The following ZMYM6 variants were observed in gnomAD, a reference collection of about 807,000 sequenced individuals.
The protein encoded by ZMYM6 is zinc finger MYM-type protein 6.
ZMYM6 carries 90 observed loss-of-function variants against 134.0 expected under a neutral mutation model. The observed-to-expected ratio is 0.67, with a 90% CI of 0.57 to 0.80. ZMYM6 has a LOEUF of 0.80. Ranked by LOEUF, ZMYM6 falls within the 30% of genes least tolerant of loss-of-function variation. ZMYM6 has a pLI of 0.00. For synonymous variants in ZMYM6, 481 were observed against 524.1 expected (o/e 0.92, Z 1.12); for missense variants, 1,362 against 1,533.9 (o/e 0.89, Z 1.87).
rs780948660 is a variant in ZMYM6 at position 34,992,162 on chromosome 1, C to T, written c.2146+72G>A. The stretch of plus-strand genomic sequence containing the variant: ...AAGACTCTGTCAATTATTTTCTTTT[C>T]CTTTCTTAAAAAACAAAAACAAACA... On this transcript the variant is annotated intron_variant, in intron 15 of 15. Transcript: ENST00000357182. The T allele has an allele frequency of 1.1e-5, 18 of 1,581,772 alleles. No homozygotes were observed. The South Asian group carries it at 1.9e-4, about 17-fold the overall frequency.
intron 3 of ZMYM6, 84 bp downstream of exon 3, chr1:35,020,299 T>C: frequency 8.2e-7 from 1 of 1,225,810 alleles, no homozygotes; most frequent in Non-Finnish European, 1.1e-6. Context: ...GAGAAAGACA[T>C]ACATGAAAAG....
intron 6 of ZMYM6, 42 bp from the exon 7 acceptor site, chr1:35,012,623 CAT>C: frequency 6.3e-7 from 1 of 1,587,340 alleles, no homozygotes; most frequent in Non-Finnish European, 8.5e-7. Context: ...TACAAACATA[CAT>C]ATTTACATAT....
At chr1:35,000,784 G>T (rs764974831) in intron 14 of ZMYM6, among the ~76,000 whole-genome samples, 3 of 152,072 alleles carry the variant, frequency 2.0e-5, no homozygotes, top group African/African-American at 4.8e-5. Flanking sequence ...TGCTTCCAGG[G>T]ATGTAAAAGG....
chr1:35,027,090 A>G (rs1641427871), intron 2 of ZMYM6, among the ~76,000 whole-genome samples: 2 of 152,208 alleles, frequency 1.3e-5, no homozygotes, highest in South Asian at 2.1e-4. Flanking sequence ...TTGCCAGCCT[A>G]CCTAGCTTAT....
At chr1:35,024,660 T>G (rs769254626) in intron 2 of ZMYM6, among the ~76,000 whole-genome samples, 1 of 152,214 alleles carries the variant, frequency 6.6e-6, no homozygotes, top group Non-Finnish European at 1.5e-5. Context: ...TACTCAACTA[T>G]TAAACACACC....
chr1:35,031,550 T>G (rs1641524913), intron 1 of ZMYM6: 1 of 152,156 alleles, frequency 6.6e-6, no homozygotes, highest in African/African-American at 2.4e-5. Flanking sequence ...CTACGGGCGC[T>G]CATCCCTCCT....
intron 2 of ZMYM6, among the ~76,000 whole-genome samples, chr1:35,025,765 C>CA (rs1641403062): frequency 6.6e-6 from 1 of 152,162 alleles, no homozygotes; most frequent in Non-Finnish European, 1.5e-5. Flanking sequence ...GCTCTTGAAT[C>CA]AGACTGCTGG....
At position 35,016,667 on chromosome 1, in the gene ZMYM6, C is replaced by T. The variant is rs542226668; in HGVS notation, c.429-1505G>A. On this transcript the variant is annotated intron_variant, in intron 4 of 15. Coordinates refer to ENST00000357182, the MANE Select transcript of ZMYM6 (RefSeq NM_007167.4). The stretch of plus-strand genomic sequence containing the variant: ...GCATTATTCTCTTTACTCAAATTAC[C>T]CAATTTAAATACCACAAAAATGATG... 2.0e-5 allele frequency among the ~76,000 whole-genome samples: 3 copies of T among 152,068 alleles called. No homozygotes were observed. In the East Asian group the frequency reaches 5.8e-4, roughly 29 times the overall value.
chr1:34,992,121 G>A, intron 15 of ZMYM6, 113 bp downstream of exon 15: 3 of 1,355,476 alleles, frequency 2.2e-6, no homozygotes, highest in Non-Finnish European at 3.1e-6. Flanking sequence ...CCAAGAAAAG[G>A]AATGTTTTCA....
chr1:35,007,228 T>TAAGA, intron 11 of ZMYM6, 130 bp from the exon 12 acceptor site: 1 of 771,360 alleles, frequency 1.3e-6, no homozygotes, highest in South Asian at 3.4e-5. Flanking sequence ...GTAAGGTTCT[T>TAAGA]ACCTTAAAAT....
intron 2 of ZMYM6, among the ~76,000 whole-genome samples, chr1:35,021,553 G>T (rs890280173): frequency 2.0e-5 from 3 of 151,860 alleles, no homozygotes; most frequent in African/African-American, 7.3e-5. Context: ...CCGGGAGGAG[G>T]AGGCTGCAGT....
intron 4 of ZMYM6, chr1:35,018,170 C>G (rs1641238069): frequency 6.6e-6 from 1 of 152,182 alleles, no homozygotes; most frequent in Non-Finnish European, 1.5e-5. Flanking sequence ...CATAGCAAAA[C>G]CATCTCTACA....
intron 14 of ZMYM6, among the ~76,000 whole-genome samples, chr1:35,001,629 GTGGT>G (rs1241251717): frequency 2.0e-5 from 3 of 152,050 alleles, no homozygotes; most frequent in Non-Finnish European, 4.4e-5. Context: ...ATACAATTGT[GTGGT>G]TAATAATGTA....
intron 6 of ZMYM6, chr1:35,012,908 G>C (rs1641111465): frequency 5.3e-5 from 52 of 985,054 alleles, no homozygotes; most frequent in Non-Finnish European, 6.3e-5. Flanking sequence ...GAACCAAAGG[G>C]TCATTCTTGG....
chr1:34,996,671 T>A (rs972380272), intron 14 of ZMYM6, among the ~76,000 whole-genome samples: 2 of 152,248 alleles, frequency 1.3e-5, no homozygotes, highest in Non-Finnish European at 2.9e-5. Flanking sequence ...TGTCTGTATA[T>A]ACTGAGCTGC....
intron 12 of ZMYM6, among the ~76,000 whole-genome samples, chr1:35,006,056 G>T (rs532747857): frequency 6.6e-6 from 1 of 152,320 alleles, no homozygotes; most frequent in Non-Finnish European, 1.5e-5. Flanking sequence ...AGCCCAGGCT[G>T]GAGTGCCATG....
rs977210813 is a variant in ZMYM6 at position 35,007,153 on chromosome 1, T to TAACATTA, written c.1666-62_1666-56dup. The TAACATTA allele has an allele frequency of 3.9e-6, 6 of 1,520,380 alleles. No individual in the cohort carries two copies. In the African/African-American group the frequency reaches 8.4e-5, roughly 21 times the overall value. The allele number at this position is 1,520,380 out of a possible 1,614,324, so 94.2% of individuals were successfully genotyped here. A position where few individuals can be genotyped will look rare whatever the true frequency, so the allele number is the denominator to read the frequency against. On this transcript the variant is annotated intron_variant, in intron 11 of 15. Transcript: ENST00000357182. The stretch of plus-strand genomic sequence containing the variant: ...TTAAAACTATAAAATAATGAAAAGA[T>TAACATTA]AACATTAATCATAAAAAGAGGGACT...
intron 15 of ZMYM6, chr1:34,989,335 A>T: frequency 1.3e-6 from 1 of 749,238 alleles, no homozygotes; most frequent in Non-Finnish European, 1.6e-6. Flanking sequence ...CCCTGGAGTT[A>T]GAGACCAGCC....
rs546669692 is a variant in ZMYM6, at chr1:34,996,201, T to C, written c.1993-3814A>G. On this transcript the variant is annotated intron_variant, in intron 14 of 15. Coordinates refer to ENST00000357182, the MANE Select transcript of ZMYM6 (RefSeq NM_007167.4). The stretch of plus-strand genomic sequence containing the variant: ...TATCAAATTATGTGACCATTATCAA[T>C]AGATGTGGGCCTTTCCCAGTATCCT... Among the ~76,000 whole-genome samples, 55 of 152,286 alleles carry C rather than the reference T, an allele frequency of 3.6e-4. No homozygotes were observed. In the South Asian group the frequency reaches 0.011, roughly 32 times the overall value.
Sources: allele counts gnomAD v4.1 joint callset (sites outside exome capture counted in the v4.1 genomes callset), GRCh38; gene constraint gnomAD v4.1.1; transcripts MANE v1.5; gene names NCBI Gene and HGNC (gene_info 2026-07-23, HGNC 2026-07-21).